Variants in AFG2A observed in about 807,000 individuals in gnomAD.
AFG2A encodes the protein ATPase family gene 2 protein homolog A.
chr4:123,105,629 G>T, the AFG2A span, among the ~76,000 whole-genome samples: 1 of 152,080 alleles, frequency 6.6e-6, no homozygotes, highest in Non-Finnish European at 1.5e-5. Context: ...AACTTTAACA[G>T]GAGTCTAGAA....
chr4:123,298,218 G>A, the AFG2A span, among the ~76,000 whole-genome samples: 1 of 152,156 alleles, frequency 6.6e-6, no homozygotes, highest in Non-Finnish European at 1.5e-5. Flanking sequence ...ACTTTCTGTA[G>A]GGTTTTGATT....
At chr4:122,924,606 T>G in the AFG2A span, among the ~76,000 whole-genome samples, 1 of 152,224 alleles carries the variant, frequency 6.6e-6, no homozygotes, top group African/African-American at 2.4e-5. Context: ...GTTCGTCAAT[T>G]CTTAGTCCAA....
At chr4:122,986,845 A>G in the AFG2A span, among the ~76,000 whole-genome samples, 1 of 152,142 alleles carries the variant, frequency 6.6e-6, no homozygotes, top group Non-Finnish European at 1.5e-5. Context: ...CATTTAGTCT[A>G]TAGTGCTCTT....
At chr4:122,984,854 G>C in the AFG2A span, among the ~76,000 whole-genome samples, 2 of 152,210 alleles carry the variant, frequency 1.3e-5, no homozygotes, top group Non-Finnish European at 2.9e-5. Context: ...TGGTTAGCTA[G>C]TAGTTTTTTA....
At chr4:123,273,100 A>G in the AFG2A span, among the ~76,000 whole-genome samples, 1 of 152,116 alleles carries the variant, frequency 6.6e-6, no homozygotes, top group Admixed American at 6.6e-5. Flanking sequence ...AATATAGACA[A>G]TTTCTTAGGT....
At chr4:122,930,214 A>G in the AFG2A span, among the ~76,000 whole-genome samples, 2 of 152,244 alleles carry the variant, frequency 1.3e-5, no homozygotes, top group African/African-American at 4.8e-5. Flanking sequence ...GTTTGAATCT[A>G]CCTATCAAGG....
At chr4:123,174,733 C>T in the AFG2A span, among the ~76,000 whole-genome samples, 1 of 151,512 alleles carries the variant, frequency 6.6e-6, no homozygotes, top group Non-Finnish European at 1.5e-5. Flanking sequence ...CATGTGAACT[C>T]CACAGAGAAC....
the AFG2A span, among the ~76,000 whole-genome samples, chr4:123,232,871 GCTAA>G: frequency 6.6e-6 from 1 of 151,984 alleles, no homozygotes; most frequent in East Asian, 1.9e-4. Context: ...TACTATTAAA[GCTAA>G]CTGTCAATTC....
At chr4:123,261,877 T>C in the AFG2A span, among the ~76,000 whole-genome samples, 1 of 152,154 alleles carries the variant, frequency 6.6e-6, no homozygotes, top group Admixed American at 6.5e-5. Context: ...ACTCCTGGGC[T>C]CAAGTGGTCC....
chr4:123,112,585 AAT>A, the AFG2A span, among the ~76,000 whole-genome samples: 2 of 152,220 alleles, frequency 1.3e-5, no homozygotes, highest in African/African-American at 2.4e-5. Context: ...CATCAGAGAG[AAT>A]AGTGATATGG....
At chr4:122,974,090 G>C in the AFG2A span, among the ~76,000 whole-genome samples, 12 of 151,926 alleles carry the variant, frequency 7.9e-5, no homozygotes, top group African/African-American at 2.9e-4. Context: ...ATTTTATCCA[G>C]CTTAAATTCT....
the AFG2A span, among the ~76,000 whole-genome samples, chr4:123,075,478 T>C: frequency 3.3e-5 from 5 of 151,940 alleles, no homozygotes; most frequent in African/African-American, 1.2e-4. Flanking sequence ...TTTGTATTTT[T>C]TAGTAAAGGC....
chr4:123,267,749 A>G, the AFG2A span, among the ~76,000 whole-genome samples: 1 of 152,076 alleles, frequency 6.6e-6, no homozygotes, highest in Non-Finnish European at 1.5e-5. Flanking sequence ...TTTCATTATA[A>G]TAACTTGTCT....
the AFG2A span, among the ~76,000 whole-genome samples, chr4:123,019,904 C>T: frequency 1.1e-4 from 16 of 152,060 alleles, no homozygotes; most frequent in Admixed American, 3.9e-4. Flanking sequence ...AAAGAATAAA[C>T]GAATTACAGT....
At chr4:123,013,077 C>T in the AFG2A span, among the ~76,000 whole-genome samples, 1 of 151,342 alleles carries the variant, frequency 6.6e-6, no homozygotes, top group Non-Finnish European at 1.5e-5. Flanking sequence ...GGGGTGGGGC[C>T]GTTTTATAGG....
the AFG2A span, among the ~76,000 whole-genome samples, chr4:123,158,191 TAC>T: frequency 6.6e-6 from 1 of 152,330 alleles, no homozygotes; most frequent in East Asian, 1.9e-4. Flanking sequence ...ATATGACCAT[TAC>T]AGCTTTGAGA....
the AFG2A span, among the ~76,000 whole-genome samples, chr4:123,024,479 T>C: frequency 6.6e-6 from 1 of 152,184 alleles, no homozygotes; most frequent in Non-Finnish European, 1.5e-5. Context: ...TGTAAGCGTT[T>C]GCTCAAACGA....
At chr4:123,060,690 G>C in the AFG2A span, among the ~76,000 whole-genome samples, 5 of 152,164 alleles carry the variant, frequency 3.3e-5, no homozygotes, top group African/African-American at 1.2e-4. Context: ...TGTGATGGGA[G>C]GGGCTGCAGG....
the AFG2A span, among the ~76,000 whole-genome samples, chr4:123,073,443 A>G: frequency 2.0e-5 from 3 of 151,992 alleles, no homozygotes; most frequent in African/African-American, 4.8e-5. Context: ...CTCTTTTTCT[A>G]TTTTTACAAA....
Sources: allele counts gnomAD v4.1 joint callset (sites outside exome capture counted in the v4.1 genomes callset), GRCh38; gene constraint gnomAD v4.1.1; transcripts MANE v1.5; gene names NCBI Gene and HGNC (gene_info 2026-07-23, HGNC 2026-07-21).